Variants in KCNN3 observed in about 807,000 individuals in gnomAD.
KCNN3 encodes the protein small conductance calcium-activated potassium channel protein 3.
Under a neutral mutation model 62.9 loss-of-function variants are expected in KCNN3, and 16 were observed. That is an observed-to-expected ratio of 0.25 (90% CI 0.17 to 0.39). The LOEUF is 0.39. Among genes scored for constraint, KCNN3 ranks in the 10% least tolerant of loss-of-function variants. KCNN3 has a pLI of 1.00. For missense variants in KCNN3, 599 were observed against 949.4 expected (o/e 0.63, Z 4.85); for synonymous variants, 370 against 389.2 (o/e 0.95, Z 0.58).
chr1:154,818,028 C>A (rs56914583), intron 2 of KCNN3, among the ~76,000 whole-genome samples: 7,772 of 152,168 alleles, frequency 0.051, 666 homozygotes, highest in African/African-American at 0.18. Context: ...AGAGCTAAAC[C>A]ACAGAAGTAA....
At chr1:154,867,151 G>A (rs905528305) in intron 1 of KCNN3, among the ~76,000 whole-genome samples, 2 of 152,208 alleles carry the variant, frequency 1.3e-5, no homozygotes, top group Admixed American at 6.5e-5. Flanking sequence ...CTCCAAGGGA[G>A]GACTGGAGAG....
chr1:154,732,727 C>A (rs539211533), intron 4 of KCNN3, among the ~76,000 whole-genome samples: 1 of 152,300 alleles, frequency 6.6e-6, no homozygotes, highest in South Asian at 2.1e-4. Flanking sequence ...TGGGCCAGGA[C>A]CAGCTTCACC....
chr1:154,736,844 A>G (rs900794248), intron 3 of KCNN3, among the ~76,000 whole-genome samples: 10 of 152,162 alleles, frequency 6.6e-5, no homozygotes, highest in Non-Finnish European at 1.2e-4. Flanking sequence ...TTCATTCACC[A>G]TAATAAACTC....
At chr1:154,800,387 C>T (rs1283139363) in intron 2 of KCNN3, among the ~76,000 whole-genome samples, 1 of 152,222 alleles carries the variant, frequency 6.6e-6, no homozygotes, top group Non-Finnish European at 1.5e-5. Flanking sequence ...CCTAGCTTTG[C>T]TCTGTCCTCA....
At chr1:154,741,892 C>T (rs947579834) in intron 3 of KCNN3, among the ~76,000 whole-genome samples, 1 of 152,214 alleles carries the variant, frequency 6.6e-6, no homozygotes, top group Non-Finnish European at 1.5e-5. Context: ...TTCAGAGTCA[C>T]ACAGTCAGAC....
At chr1:154,762,346 T>C (rs1648056816) in intron 3 of KCNN3, among the ~76,000 whole-genome samples, 1 of 152,202 alleles carries the variant, frequency 6.6e-6, no homozygotes, top group African/African-American at 2.4e-5. Context: ...TTATTTAAAA[T>C]TTTGTCAACT....
intron 3 of KCNN3, among the ~76,000 whole-genome samples, chr1:154,742,250 C>T (rs1700836310): frequency 6.6e-6 from 1 of 152,246 alleles, no homozygotes; most frequent in Admixed American, 6.5e-5. Context: ...ACCCAGCCAA[C>T]CCCAGCTCTT....
chr1:154,865,769 G>GA (rs369646140), intron 1 of KCNN3, among the ~76,000 whole-genome samples: 3 of 151,616 alleles, frequency 2.0e-5, no homozygotes, highest in East Asian at 1.9e-4. Context: ...CAACCCCACG[G>GA]AAAAAAAAGC....
At position 154,869,067 on chromosome 1, in the gene KCNN3, T is replaced by A; in HGVS notation, c.898A>T (p.Ile300Leu). Residue 300 changes from isoleucine to leucine, a missense_variant, in exon 1 of 8, where the codon ATA becomes TTA. Ile to Leu is a conservative substitution (Grantham distance 5). This residue lies in a region of KCNN3 where 288 missense variants were observed against 557.4 expected (regional missense o/e 0.52). Transcript: ENST00000271915. This position sits in a 1 kb window ranked among gnomAD's most constrained non-coding sequence, Gnocchi z 6.1. ...AAACCCCAAGAGAGCTCGGTCTCTA[T>A]CACCATAACAACAATTCCAAACATC... ...FGMFGIVVMVIETELSWGLYS... is the reference protein window; with the variant it reads ...FGMFGIVVMVLETELSWGLYS... 1 of 1,614,126 alleles carries A rather than the reference T, an allele frequency of 6.2e-7. No individual in the cohort carries two copies. Among genetic ancestry groups the A allele is most frequent in the African/African-American group, 1.3e-5 (1 of 75,010 alleles).
At chr1:154,769,795 C>T (rs1417538281) in intron 3 of KCNN3, among the ~76,000 whole-genome samples, 1 of 152,068 alleles carries the variant, frequency 6.6e-6, no homozygotes, top group Non-Finnish European at 1.5e-5. Flanking sequence ...GAGTATAGGC[C>T]CATGTATGGT....
chr1:154,847,336 C>G (rs528655750), intron 1 of KCNN3, among the ~76,000 whole-genome samples: 2 of 152,178 alleles, frequency 1.3e-5, no homozygotes, highest in African/African-American at 4.8e-5. Flanking sequence ...TGAGCTGGGC[C>G]GGCACCCAGC....
chr1:154,761,152 T>C (rs1453555862), intron 3 of KCNN3, among the ~76,000 whole-genome samples: 1 of 152,092 alleles, frequency 6.6e-6, no homozygotes, highest in Non-Finnish European at 1.5e-5. Flanking sequence ...TAAAAAGTAA[T>C]AAAAAATCAC....
At chr1:154,726,537 G>C (rs1700469273) in intron 4 of KCNN3, among the ~76,000 whole-genome samples, 1 of 152,168 alleles carries the variant, frequency 6.6e-6, no homozygotes, top group Non-Finnish European at 1.5e-5. Context: ...GAAAATAATC[G>C]AATGAAGAGG....
In KCNN3 at chr1:154,700,658, C is replaced by G. The variant is rs1699833439; in HGVS notation, c.*7318G>C. ...TCTACTAAAAATACAAAAAAATTAG[C>G]TGGTCGTGGTGGCACGCACCTGTAA... On this transcript the variant is annotated 3_prime_UTR_variant, in exon 8 of 8. Coordinates refer to ENST00000271915, the MANE Select transcript of KCNN3 (RefSeq NM_002249.6). 6.6e-6 allele frequency: 1 copy of G among 152,048 alleles called. No homozygotes were observed. Among genetic ancestry groups the G allele is most frequent in the Non-Finnish European group, 1.5e-5 (1 of 68,036 alleles). 9.4% of individuals were successfully genotyped at this position (152,048 alleles called of 1,614,324 possible). A position where few individuals can be genotyped will look rare whatever the true frequency, so the allele number is the denominator to read the frequency against.
intron 1 of KCNN3, among the ~76,000 whole-genome samples, chr1:154,826,080 CAA>C (rs1651112313): frequency 6.8e-5 from 1 of 14,606 alleles, no homozygotes; most frequent in South Asian, 3.8e-3. Context: ...AAAACAAAAA[CAA>C]AAACAAAAAA....
chr1:154,783,565 T>C (rs185395188), intron 2 of KCNN3, among the ~76,000 whole-genome samples: 3 of 152,222 alleles, frequency 2.0e-5, no homozygotes, highest in African/African-American at 7.2e-5. Flanking sequence ...CACCCCAGCA[T>C]GTTTGCTAAT....
At chr1:154,730,857 C>A (rs1288252263) in intron 4 of KCNN3, among the ~76,000 whole-genome samples, 1 of 152,126 alleles carries the variant, frequency 6.6e-6, no homozygotes, top group Non-Finnish European at 1.5e-5. Flanking sequence ...GAGCACTGCA[C>A]ACCCAGACAG....
intron 2 of KCNN3, among the ~76,000 whole-genome samples, chr1:154,795,363 C>G (rs1649689388): frequency 6.6e-6 from 1 of 152,204 alleles, no homozygotes; most frequent in Non-Finnish European, 1.5e-5. Context: ...AGAGCACACA[C>G]AGGGGCCACC....
intron 1 of KCNN3, among the ~76,000 whole-genome samples, chr1:154,856,334 G>A (rs577909435): frequency 3.4e-4 from 51 of 152,132 alleles, no homozygotes; most frequent in Non-Finnish European, 6.6e-4. Flanking sequence ...ACAGGCTTTC[G>A]CTTGTGGGAT....
Sources: allele counts gnomAD v4.1 joint callset (sites outside exome capture counted in the v4.1 genomes callset), GRCh38; gene constraint gnomAD v4.1.1; regional missense constraint gnomAD v4.1.1; non-coding constraint Gnocchi (gnomAD v3.1); transcripts MANE v1.5; gene names NCBI Gene and HGNC (gene_info 2026-07-23, HGNC 2026-07-21).